Variants in KCNAB2 observed in about 807,000 individuals in gnomAD.
KCNAB2 encodes the protein voltage-gated potassium channel subunit beta-2.
A neutral mutation model predicts 63.6 loss-of-function variants in KCNAB2; 29 were observed. That is an observed-to-expected ratio of 0.46 (90% CI 0.34 to 0.62). The LOEUF (loss-of-function observed/expected upper bound fraction) is 0.62. Ranked by LOEUF, KCNAB2 falls within the 20% of genes least tolerant of loss-of-function variation. The probability of loss-of-function intolerance (pLI) is 0.01; values close to 1 mark genes in which losing one functional copy is unlikely to be tolerated. For missense variants in KCNAB2, 359 were observed against 563.9 expected (o/e 0.64, Z 3.68); for synonymous variants, 222 against 224.2 (o/e 0.99, Z 0.09).
intron 4 of KCNAB2, among the ~76,000 whole-genome samples, chr1:6,075,750 T>G (rs1663606870): frequency 2.6e-5 from 4 of 152,200 alleles, no homozygotes; most frequent in Admixed American, 1.3e-4. Flanking sequence ...ACATAAAATT[T>G]GCCATTTTAA....
At chr1:6,007,279 G>C (rs1657859303) in intron 1 of KCNAB2, among the ~76,000 whole-genome samples, 1 of 152,224 alleles carries the variant, frequency 6.6e-6, no homozygotes, top group South Asian at 2.1e-4. Flanking sequence ...CCAGGGACAG[G>C]GCCAAGTGGC....
intron 1 of KCNAB2, among the ~76,000 whole-genome samples, chr1:6,046,655 G>C (rs1350438093): frequency 6.6e-6 from 1 of 152,214 alleles, no homozygotes; most frequent in East Asian, 1.9e-4. Flanking sequence ...TTTGCTGATT[G>C]TCCTTGAGCG....
intron 1 of KCNAB2, among the ~76,000 whole-genome samples, chr1:6,039,349 C>G (rs1660311264): frequency 6.6e-6 from 1 of 152,154 alleles, no homozygotes; most frequent in Non-Finnish European, 1.5e-5. Context: ...AAGCCCCCAA[C>G]CAGCAGCCAG....
chr1:6,013,227 G>T (rs1570858939), intron 1 of KCNAB2, among the ~76,000 whole-genome samples: 1 of 152,306 alleles, frequency 6.6e-6, no homozygotes. Context: ...GAGGGATTCA[G>T]CAGGAAACGA....
Position 6,056,668 on chromosome 1 carries a change from G to A in KCNAB2, c.218+4914G>A, listed in dbSNP as rs78662509. 1.4e-4 allele frequency among the ~76,000 whole-genome samples: 22 copies of A among 152,306 alleles called. No homozygotes were observed. The East Asian group carries it at 4.1e-3, about 28-fold the overall frequency. ...CTACGTGGCCCTAGCCTGCCTCCTT[G>A]GTTTCAACTCGGACCCCTCTCCCTC... is the stretch of plus-strand genomic sequence containing the variant. On this transcript the variant is annotated intron_variant, in intron 2 of 15. Coordinates refer to ENST00000378083, the MANE Select transcript of KCNAB2 (RefSeq NM_001199862.2).
At position 6,073,841 on chromosome 1, in the gene KCNAB2, C is replaced by T. The variant is rs547756897; in HGVS notation, c.300+71C>T. On this transcript the variant is annotated intron_variant, in intron 4 of 15. Coordinates refer to ENST00000378083, the MANE Select transcript of KCNAB2 (RefSeq NM_001199862.2). This position sits in a 1 kb window ranked among gnomAD's most constrained non-coding sequence, Gnocchi z 5.7. ...CCAGAGCACATGGTTAAGTCTGCCG[C>T]GTGGACCAGTGAGCACGTGCTCCCG... 45 of 1,499,484 alleles carry T rather than the reference C, an allele frequency of 3.0e-5. 1 individual carries two copies. The South Asian group carries it at 3.4e-4, about 11-fold the overall frequency. 92.9% of individuals were successfully genotyped at this position (1,499,484 alleles called of 1,614,324 possible).
chr1:6,082,935 C>A (rs1029921203), intron 5 of KCNAB2, among the ~76,000 whole-genome samples: 4 of 152,216 alleles, frequency 2.6e-5, no homozygotes, highest in Non-Finnish European at 4.4e-5. Context: ...CTGCTGTGCA[C>A]CATAGCTGCT....
chr1:6,077,642 C>T (rs554488310), intron 4 of KCNAB2, among the ~76,000 whole-genome samples: 30 of 152,312 alleles, frequency 2.0e-4, no homozygotes, highest in South Asian at 1.0e-3. Context: ...TCAGGGCCAC[C>T]GTGCTCCGGA....
intron 2 of KCNAB2, among the ~76,000 whole-genome samples, chr1:6,056,767 A>G (rs1264581136): frequency 1.3e-5 from 2 of 152,184 alleles, no homozygotes; most frequent in African/African-American, 2.4e-5. Flanking sequence ...CCACAGGGTC[A>G]TCGCACTTTC....
Position 6,100,963 on chromosome 1 carries a change from CA to C in KCNAB2, c.*2390del, listed in dbSNP as rs2100816186. ...TCAGATCCCAGGTCCCAAGGAGTGA[CA>C]GGGGCTTCCTCCCACCTTCTGTCCT... On this transcript the variant is annotated 3_prime_UTR_variant, in exon 16 of 16. Transcript: ENST00000378083. The C allele has an allele frequency of 6.6e-6, 1 of 152,402 alleles. No homozygotes were observed. Among genetic ancestry groups the C allele is most frequent in the Admixed American group, 6.5e-5 (1 of 15,308 alleles). The allele number at this position is 152,402 out of a possible 1,614,324, so 9.4% of individuals were successfully genotyped here.
chr1:6,042,827 C>A (rs374102097), upstream of KCNAB2, among the ~76,000 whole-genome samples: 1 of 70,452 alleles, frequency 1.4e-5, no homozygotes, highest in Non-Finnish European at 2.7e-5. Context: ...TTTCTCTCCC[C>A]GCGCCCCCAC....
intron 2 of KCNAB2, among the ~76,000 whole-genome samples, chr1:6,068,647 G>A (rs547137728): frequency 1.3e-5 from 2 of 152,248 alleles, no homozygotes; most frequent in South Asian, 4.1e-4. Flanking sequence ...GGGCACCCCC[G>A]CCCCGGGCCT....
In KCNAB2 at chr1:6,094,341, G is replaced by A. The variant is rs2294933; in HGVS notation, c.647-59G>A. 1.6e-3 allele frequency: 2,147 copies of A among 1,328,966 alleles called. 50 individuals are homozygous for A. The East Asian group carries it at 0.046, about 28-fold the overall frequency. The allele number at this position is 1,328,966 out of a possible 1,614,324, so 82.3% of individuals were successfully genotyped here. A position where few individuals can be genotyped will look rare whatever the true frequency, so the allele number is the denominator to read the frequency against. ...CCTGCCTGTATTTGCAGAATGTCCCGAGGCTGGCCCTGAGCCCTGGCTGCC... is the reference window on the plus strand; with the variant it reads ...CCTGCCTGTATTTGCAGAATGTCCCAAGGCTGGCCCTGAGCCCTGGCTGCC... On this transcript the variant is annotated intron_variant, in intron 10 of 15. Transcript: ENST00000378083.
At chr1:6,020,236 T>C (rs769267011) in intron 1 of KCNAB2, among the ~76,000 whole-genome samples, 3 of 152,170 alleles carry the variant, frequency 2.0e-5, no homozygotes, top group Non-Finnish European at 2.9e-5. Context: ...CCTTATGTTG[T>C]AGAAATAGCT....
chr1:5,995,311 G>A (rs1458768222), intron 1 of KCNAB2, among the ~76,000 whole-genome samples: 1 of 152,220 alleles, frequency 6.6e-6, no homozygotes, highest in Admixed American at 6.5e-5. Context: ...GGAAGGACAG[G>A]CTTCTCCAGG....
At chr1:6,070,805 G>A (rs1663124523) in intron 2 of KCNAB2, among the ~76,000 whole-genome samples, 1 of 152,108 alleles carries the variant, frequency 6.6e-6, no homozygotes, top group Non-Finnish European at 1.5e-5. Flanking sequence ...GTGTCCTCCA[G>A]CCAGGAAAGT....
Position 6,087,534 on chromosome 1 carries a change from C to CT in KCNAB2, c.470+25dup, listed in dbSNP as rs1664805578. The CT allele has an allele frequency of 6.2e-7, 1 of 1,613,496 alleles. No individual in the cohort carries two copies. The highest frequency in any genetic ancestry group is 1.3e-5 in the African/African-American group (1 of 74,944). ...AAAGTAGGTGCAACAGCTGGCGATG[C>CT]TTCCAGCCCCGGCCCAGCAGCCACG... On this transcript the variant is annotated intron_variant, in intron 7 of 15. Coordinates refer to ENST00000378083, the MANE Select transcript of KCNAB2 (RefSeq NM_001199862.2). The surrounding 1 kb of genome is among the most constrained non-coding windows in gnomAD (Gnocchi z 6.4).
At chr1:6,056,423 GC>G (rs1661830870) in intron 2 of KCNAB2, among the ~76,000 whole-genome samples, 1 of 152,210 alleles carries the variant, frequency 6.6e-6, no homozygotes, top group African/African-American at 2.4e-5. Context: ...AATCCACACA[GC>G]CCCTGTGTAA....
At chr1:6,094,894 C>T (rs1227006309) in intron 11 of KCNAB2, among the ~76,000 whole-genome samples, 2 of 152,214 alleles carry the variant, frequency 1.3e-5, no homozygotes, top group Non-Finnish European at 2.9e-5. Context: ...GAGACGTGCC[C>T]GGTGCTGTTA....
Sources: gnomAD v4.1 joint callset for allele counts (sites outside exome capture counted in the v4.1 genomes callset) on GRCh38, gnomAD v4.1.1 for gene constraint, Gnocchi (gnomAD v3.1) non-coding constraint, MANE v1.5 for transcripts, NCBI Gene and HGNC (gene_info 2026-07-23, HGNC 2026-07-21) for gene names.